The following CALN1 variants were observed in gnomAD, a reference collection of about 807,000 sequenced individuals.
The protein encoded by CALN1 is calneuron 1, also known as calcium-binding protein 8.
CALN1 carries 17 observed loss-of-function variants against 30.6 expected under a neutral mutation model. The ratio of observed to expected loss-of-function variants is 0.56; its 90% confidence interval spans 0.38 to 0.83. CALN1 has a LOEUF of 0.83. Among genes scored for constraint, CALN1 ranks in the 40% least tolerant of loss-of-function variants. The pLI is 0.00. For missense variants in CALN1, 291 were observed against 354.9 expected, an observed-to-expected ratio of 0.82 and a Z score of 1.45; for synonymous variants, 156 against 131.4, an observed-to-expected ratio of 1.19 and a Z score of -1.28.
intron 5 of CALN1, among the ~76,000 whole-genome samples, chr7:71,818,834 C>T (rs991641428): frequency 9.3e-5 from 14 of 150,778 alleles, no homozygotes; most frequent in African/African-American, 3.4e-4. Flanking sequence ...CTCAGCCTCC[C>T]GAGTAGCTGG....
intron 2 of CALN1, among the ~76,000 whole-genome samples, chr7:72,369,763 T>C (rs1205344238): frequency 6.6e-6 from 1 of 152,208 alleles, no homozygotes. Context: ...TCTGGCTTCA[T>C]CTCAGCATAA....
intron 5 of CALN1, among the ~76,000 whole-genome samples, chr7:71,986,529 T>A (rs1482699041): frequency 6.6e-6 from 1 of 152,208 alleles, no homozygotes; most frequent in Admixed American, 6.5e-5. Context: ...GCTGCAGACA[T>A]CACCTTTCAT....
chr7:72,087,583 TA>T (rs1467215896), intron 4 of CALN1, among the ~76,000 whole-genome samples: 1 of 152,196 alleles, frequency 6.6e-6, no homozygotes, highest in African/African-American at 2.4e-5. Flanking sequence ...CGACAAGAGA[TA>T]ATTCCACAGA....
At chr7:72,027,222 A>C (rs979936459) in intron 4 of CALN1, among the ~76,000 whole-genome samples, 2 of 152,166 alleles carry the variant, frequency 1.3e-5, no homozygotes, top group Admixed American at 6.6e-5. Context: ...GGAGGTGCTT[A>C]TTTAAAAAAA....
chr7:72,340,044 G>A lies in CALN1; in HGVS notation c.120-61234C>T, dbSNP rs571326567. On this transcript the variant is annotated intron_variant, in intron 2 of 6. Coordinates refer to ENST00000395275, the MANE Select transcript of CALN1 (RefSeq NM_031468.4). The stretch of plus-strand genomic sequence containing the variant: ...AACCTGGACCCCCATTAAACTGATC[G>A]ACTAGCACATAGACCTTGGATGAGA... Among the ~76,000 whole-genome samples the A allele has an allele frequency of 1.8e-4, 27 of 152,220 alleles. No homozygotes were observed. The South Asian group carries it at 5.2e-3, about 29-fold the overall frequency.
At chr7:71,962,043 G>A (rs1352092204) in intron 5 of CALN1, among the ~76,000 whole-genome samples, 2 of 151,844 alleles carry the variant, frequency 1.3e-5, no homozygotes, top group Non-Finnish European at 2.9e-5. Flanking sequence ...TTGTATCTGC[G>A]TATTCCGTTT....
chr7:71,794,861 A>G (rs1483634738), intron 6 of CALN1, among the ~76,000 whole-genome samples: 1 of 152,136 alleles, frequency 6.6e-6, no homozygotes, highest in African/African-American at 2.4e-5. Flanking sequence ...TGATGGGAGA[A>G]GCCTGTTCCA....
At chr7:72,270,138 G>GA (rs1036776271) in intron 3 of CALN1, among the ~76,000 whole-genome samples, 6 of 151,662 alleles carry the variant, frequency 4.0e-5, no homozygotes, top group Admixed American at 2.0e-4. Context: ...TTGAGAGAGA[G>GA]AAAAAAACCC....
chr7:72,370,413 G>C (rs993500836), intron 2 of CALN1, among the ~76,000 whole-genome samples: 1 of 152,098 alleles, frequency 6.6e-6, no homozygotes, highest in East Asian at 1.9e-4. Context: ...GATTGACTTT[G>C]GGAGGCTGAG....
intron 2 of CALN1, among the ~76,000 whole-genome samples, chr7:72,295,136 T>A (rs1419953396): frequency 6.6e-6 from 1 of 152,098 alleles, no homozygotes; most frequent in African/African-American, 2.4e-5. Context: ...AAACACCACC[T>A]CTTTCCTAAA....
chr7:72,219,740 G>A (rs1289069438), intron 3 of CALN1, among the ~76,000 whole-genome samples: 3 of 150,716 alleles, frequency 2.0e-5, no homozygotes, highest in South Asian at 2.1e-4. Flanking sequence ...AAGCATGCAC[G>A]CACACACACA....
chr7:71,791,916 C>T (rs1446250435), intron 6 of CALN1, among the ~76,000 whole-genome samples: 2 of 151,908 alleles, frequency 1.3e-5, no homozygotes, highest in African/African-American at 4.8e-5. Flanking sequence ...GAGGCTGAGG[C>T]AGGAGAATGG....
intron 2 of CALN1, among the ~76,000 whole-genome samples, chr7:72,358,542 G>C (rs1408817480): frequency 6.6e-6 from 1 of 152,162 alleles, no homozygotes; most frequent in African/African-American, 2.4e-5. Context: ...CAACATACCA[G>C]AACTGGCACT....
chr7:72,473,175 T>C, the CALN1 span, among the ~76,000 whole-genome samples: 1 of 151,736 alleles, frequency 6.6e-6, no homozygotes, highest in Non-Finnish European at 1.5e-5. Context: ...GGTCTCGAAC[T>C]CCTGGATTCA....
intron 2 of CALN1, among the ~76,000 whole-genome samples, chr7:72,322,600 C>T (rs1800962611): frequency 1.3e-5 from 2 of 151,720 alleles, no homozygotes; most frequent in African/African-American, 2.4e-5. Flanking sequence ...TTTGTGGGAA[C>T]TAAAAATTAA....
intron 5 of CALN1, among the ~76,000 whole-genome samples, chr7:71,997,808 T>G (rs1387947610): frequency 6.6e-6 from 1 of 152,192 alleles, no homozygotes; most frequent in Non-Finnish European, 1.5e-5. Flanking sequence ...TTTTTATTTA[T>G]GAATTTAATT....
chr7:72,184,166 G>A (rs1456370075), intron 3 of CALN1, among the ~76,000 whole-genome samples: 5 of 152,138 alleles, frequency 3.3e-5, no homozygotes, highest in East Asian at 1.9e-4. Flanking sequence ...GAGGCACAGC[G>A]TGGCATGATG....
chr7:72,345,524 TGAG>T (rs1292504511), intron 2 of CALN1, among the ~76,000 whole-genome samples: 21 of 95,728 alleles, frequency 2.2e-4, no homozygotes, highest in East Asian at 3.6e-4. Context: ...AGGAAGGAAA[TGAG>T]GAAGGGAGGG....
chr7:72,209,362 TTCCTTC>T (rs1792197466), intron 3 of CALN1, among the ~76,000 whole-genome samples: 1 of 24,800 alleles, frequency 4.0e-5, no homozygotes, highest in Non-Finnish European at 6.7e-5. Flanking sequence ...CCTTCCCTCT[TTCCTTC>T]CCTCCTTCCC....
Sources: gnomAD v4.1 joint callset for allele counts (sites outside exome capture counted in the v4.1 genomes callset) on GRCh38, gnomAD v4.1.1 for gene constraint, MANE v1.5 for transcripts, NCBI Gene and HGNC (gene_info 2026-07-23, HGNC 2026-07-21) for gene names.